The following AGAP1 variants were observed in gnomAD, a reference collection of about 807,000 sequenced individuals.
The protein encoded by AGAP1 is ArfGAP with GTPase domain, ankyrin repeat and PH domain 1.
Under a neutral mutation model 105.3 loss-of-function variants are expected in AGAP1, and 29 were observed. The ratio of observed to expected loss-of-function variants is 0.28; its 90% CI spans 0.21 to 0.38. The LOEUF (loss-of-function observed/expected upper bound fraction) is 0.38. Among genes scored for constraint, AGAP1 ranks in the 10% least tolerant of loss-of-function variants. AGAP1 has a pLI of 1.00. For synonymous variants in AGAP1, 509 were observed against 485.9 expected (o/e 1.05, Z -0.63); for missense variants, 998 against 1,165.1 (o/e 0.86, Z 2.09).
chr2:235,839,176 C>CA (rs904325965), intron 9 of AGAP1, among the ~76,000 whole-genome samples: 1 of 152,080 alleles, frequency 6.6e-6, no homozygotes, highest in Non-Finnish European at 1.5e-5. Flanking sequence ...AAAAAACTTG[C>CA]AAAAAATAGA....
rs1329938966 is a variant in AGAP1 at position 235,951,854 on chromosome 2, G to A, written c.1484-16608G>A. On this transcript the variant is annotated intron_variant, in intron 12 of 17. Coordinates refer to ENST00000304032, the MANE Select transcript of AGAP1 (RefSeq NM_001037131.3). This position sits in a 1 kb window ranked among gnomAD's most constrained non-coding sequence, Gnocchi z 4.2. ...TAGAGCTTCATAAATGCAGGAAACT[G>A]TCAGGTTCCTTTCAAGAGGAAGTCT... Among the ~76,000 whole-genome samples the A allele has an allele frequency of 2.0e-5, 3 of 152,140 alleles. No homozygotes were observed. The highest frequency in any genetic ancestry group is 4.4e-5 in the Non-Finnish European group (3 of 68,030).
At position 235,549,759 on chromosome 2, in the gene AGAP1, G is replaced by A. The variant is rs1943744031; in HGVS notation, c.163+54910G>A. On this transcript the variant is annotated intron_variant, in intron 1 of 17. Coordinates refer to ENST00000304032, the MANE Select transcript of AGAP1 (RefSeq NM_001037131.3). This position sits in a 1 kb window ranked among gnomAD's most constrained non-coding sequence, Gnocchi z 4.2. ...AGCAGTTCGCGTTCTATATAGAACTGTTTACACCTCTCAGGATTCTTACTC... is the reference window on the plus strand; with the variant it reads ...AGCAGTTCGCGTTCTATATAGAACTATTTACACCTCTCAGGATTCTTACTC... Among the ~76,000 whole-genome samples, 1 of 152,224 alleles carries A rather than the reference G, an allele frequency of 6.6e-6. No homozygotes were observed.
intron 1 of AGAP1, among the ~76,000 whole-genome samples, chr2:235,653,500 AT>A (rs2149327740): frequency 5.1e-5 from 1 of 19,680 alleles, no homozygotes; most frequent in African/African-American, 1.6e-4. Flanking sequence ...AAAATAAAAT[AT>A]AACATAACAT....
At position 235,855,227 on chromosome 2, in the gene AGAP1, G is replaced by A. The variant is rs370785974; in HGVS notation, c.1051-28118G>A. Reference sequence around the variant, plus strand: ...GCTGCCATCCCTTGGGGTGGCGCACGGAAATGGAAGCGTGAGGTCATCCCT... The same window carrying A: ...GCTGCCATCCCTTGGGGTGGCGCACAGAAATGGAAGCGTGAGGTCATCCCT... On this transcript the variant is annotated intron_variant, in intron 9 of 17. Transcript: ENST00000304032. This position sits in a 1 kb window ranked among gnomAD's most constrained non-coding sequence, Gnocchi z 5.0. Among the ~76,000 whole-genome samples the A allele has an allele frequency of 9.2e-4, 140 of 152,314 alleles. No homozygotes were observed. Among genetic ancestry groups the A allele is most frequent in the African/African-American group, 3.0e-3 (123 of 41,574 alleles).
At chr2:235,819,451 G>A (rs1958656469) in intron 9 of AGAP1, among the ~76,000 whole-genome samples, 1 of 152,112 alleles carries the variant, frequency 6.6e-6, no homozygotes. Context: ...TGATGCTGAT[G>A]CTGCTAATCC....
chr2:235,818,011 A>G (rs1332450058), intron 9 of AGAP1, among the ~76,000 whole-genome samples: 4 of 152,256 alleles, frequency 2.6e-5, no homozygotes, highest in South Asian at 2.1e-4. Flanking sequence ...TCAAAATACT[A>G]TTAACATCTT....
intron 1 of AGAP1, among the ~76,000 whole-genome samples, chr2:235,646,673 C>G (rs1241986650): frequency 6.6e-6 from 1 of 152,230 alleles, no homozygotes; most frequent in East Asian, 1.9e-4. Flanking sequence ...CTCCATCTTT[C>G]TAACCCCTGA....
Position 235,557,857 on chromosome 2 carries a change from T to TGAATCTTAACTG in AGAP1, c.163+63008_163+63009insGAATCTTAACTG, listed in dbSNP as rs1384832791. ...GACACTTTAGATTCACAGTTAACTG[T>TGAATCTTAACTG]TGATGCTTAAATGACATTTGAGGAA... On this transcript the variant is annotated intron_variant, in intron 1 of 17. Transcript: ENST00000304032. The surrounding 1 kb of genome is among the most constrained non-coding windows in gnomAD (Gnocchi z 4.7). Among the ~76,000 whole-genome samples the TGAATCTTAACTG allele has an allele frequency of 2.0e-5, 3 of 152,180 alleles. No individual in the cohort carries two copies. Among genetic ancestry groups the TGAATCTTAACTG allele is most frequent in the Non-Finnish European group, 4.4e-5 (3 of 68,028 alleles).
Position 235,753,180 on chromosome 2 carries a change from C to T in AGAP1, c.673+2692C>T, listed in dbSNP as rs1370281329. On this transcript the variant is annotated intron_variant, in intron 6 of 17. Transcript: ENST00000304032. This position sits in a 1 kb window ranked among gnomAD's most constrained non-coding sequence, Gnocchi z 4.5. ...GTTCAAGGCAGAGGACAGGCAGCCA[C>T]CCACCTCTGTGTTGGAAGCATTTCG... Among the ~76,000 whole-genome samples the T allele has an allele frequency of 6.6e-6, 1 of 152,160 alleles. No homozygotes were observed. Among genetic ancestry groups the T allele is most frequent in the Non-Finnish European group, 1.5e-5 (1 of 68,030 alleles).
At chr2:235,699,748 T>C (rs1196545910) in intron 1 of AGAP1, among the ~76,000 whole-genome samples, 1 of 152,170 alleles carries the variant, frequency 6.6e-6, no homozygotes, top group African/African-American at 2.4e-5. Flanking sequence ...CAGTCCGGGC[T>C]CCAGGAGAAC....
intron 1 of AGAP1, among the ~76,000 whole-genome samples, chr2:235,628,339 T>C (rs575810517): frequency 2.0e-5 from 3 of 152,326 alleles, no homozygotes; most frequent in Non-Finnish European, 4.4e-5. Context: ...GCCTGACCAC[T>C]GCCCTGTGCT....
At chr2:235,546,056 C>G (rs904022402) in intron 1 of AGAP1, among the ~76,000 whole-genome samples, 1 of 152,206 alleles carries the variant, frequency 6.6e-6, no homozygotes, top group African/African-American at 2.4e-5. Flanking sequence ...CTGTGCCCAG[C>G]TGTGCTGTGT....
intron 1 of AGAP1, among the ~76,000 whole-genome samples, chr2:235,598,990 T>A (rs976372820): frequency 6.6e-6 from 1 of 152,214 alleles, no homozygotes; most frequent in South Asian, 2.1e-4. Flanking sequence ...CCTGTCTTCC[T>A]CTTGTTGACA....
chr2:235,541,892 G>A (rs1438074675), intron 1 of AGAP1, among the ~76,000 whole-genome samples: 2 of 152,124 alleles, frequency 1.3e-5, no homozygotes, highest in Admixed American at 6.6e-5. Flanking sequence ...GATAATGCAC[G>A]TCGCTATAGT....
At chr2:235,562,577 A>G (rs977789434) in intron 1 of AGAP1, among the ~76,000 whole-genome samples, 2 of 152,088 alleles carry the variant, frequency 1.3e-5, no homozygotes, top group African/African-American at 4.8e-5. Flanking sequence ...GTGGCCTGGC[A>G]GACTCAGGAC....
At position 235,663,022 on chromosome 2, in the gene AGAP1, G is replaced by A. The variant is rs1442536611; in HGVS notation, c.164-46157G>A. On this transcript the variant is annotated intron_variant, in intron 1 of 17. Coordinates refer to ENST00000304032, the MANE Select transcript of AGAP1 (RefSeq NM_001037131.3). This position sits in a 1 kb window ranked among gnomAD's most constrained non-coding sequence, Gnocchi z 5.4. ...CTGGGGAACACCGAGCTAGGGACACGCTGGCTAATAGAGGAAGGAGAGCTG... is the reference window on the plus strand; with the variant it reads ...CTGGGGAACACCGAGCTAGGGACACACTGGCTAATAGAGGAAGGAGAGCTG... 6.6e-6 allele frequency among the ~76,000 whole-genome samples: 1 copy of A among 152,176 alleles called. No homozygotes were observed.
In AGAP1 at chr2:235,965,624, T is replaced by TA. The variant is rs780009518; in HGVS notation, c.1484-2837dup. Among the ~76,000 whole-genome samples the TA allele has an allele frequency of 5.0e-4, 76 of 152,124 alleles. No individual in the cohort carries two copies. Among genetic ancestry groups the TA allele is most frequent in the Non-Finnish European group, 6.5e-4 (44 of 68,028 alleles). ...TTTCTAATCTGTAAAGTGGAGGTGG[T>TA]AGGGATACCACGTGCCTCAGCGGAT... On this transcript the variant is annotated intron_variant, in intron 12 of 17. Transcript: ENST00000304032. The surrounding 1 kb of genome is among the most constrained non-coding windows in gnomAD (Gnocchi z 5.8).
In AGAP1 at chr2:236,027,214, C is replaced by T. The variant is rs951221888; in HGVS notation, c.1646-9347C>T. 6.6e-6 allele frequency among the ~76,000 whole-genome samples: 1 copy of T among 152,062 alleles called. No homozygotes were observed. Among genetic ancestry groups the T allele is most frequent in the Non-Finnish European group, 1.5e-5 (1 of 68,024 alleles). ...GCAGATATAAATTAGATCTGAAACT[C>T]TACGTGTGGGTATTCACCTATTACC... On this transcript the variant is annotated intron_variant, in intron 13 of 17. Coordinates refer to ENST00000304032, the MANE Select transcript of AGAP1 (RefSeq NM_001037131.3). This position sits in a 1 kb window ranked among gnomAD's most constrained non-coding sequence, Gnocchi z 4.4.
intron 16 of AGAP1, among the ~76,000 whole-genome samples, chr2:236,088,836 T>C (rs2058992317): frequency 1.3e-5 from 2 of 152,240 alleles, no homozygotes; most frequent in African/African-American, 4.8e-5. Context: ...CCAGAACCTA[T>C]CACGGTGCAC....
Sources: allele counts gnomAD v4.1 joint callset (sites outside exome capture counted in the v4.1 genomes callset), GRCh38; gene constraint gnomAD v4.1.1; non-coding constraint Gnocchi (gnomAD v3.1); transcripts MANE v1.5; gene names NCBI Gene and HGNC (gene_info 2026-07-23, HGNC 2026-07-21).